Variants in ARL15 observed in about 807,000 individuals in gnomAD.
ARL15 encodes ADP-ribosylation factor-like protein 15.
A neutral mutation model predicts 25.2 loss-of-function variants in ARL15; 19 were observed. The observed-to-expected ratio is 0.75, with a 90% CI of 0.53 to 1.10. ARL15 has a LOEUF of 1.10. Among genes scored for constraint, ARL15 ranks in the 50% least tolerant of loss-of-function variants. The pLI, the probability that ARL15 is intolerant of heterozygous loss-of-function variation, is 0.00. For missense variants in ARL15, 220 were observed against 246.0 expected, an observed-to-expected ratio of 0.89 and a Z score of 0.71; for synonymous variants, 94 against 86.8, an observed-to-expected ratio of 1.08 and a Z score of -0.46.
At chr5:54,039,407 C>T (rs191546278) in intron 4 of ARL15, among the ~76,000 whole-genome samples, 1 of 152,260 alleles carries the variant, frequency 6.6e-6, no homozygotes, top group Non-Finnish European at 1.5e-5. Context: ...ATATTTCTAT[C>T]ACTCACTTAT....
At chr5:54,014,937 T>G (rs1749366813) in intron 4 of ARL15, among the ~76,000 whole-genome samples, 2 of 152,126 alleles carry the variant, frequency 1.3e-5, no homozygotes, top group African/African-American at 4.8e-5. Context: ...GATTTATCAG[T>G]GAACCTTCCA....
chr5:53,893,181 T>G (rs561912819), intron 4 of ARL15, among the ~76,000 whole-genome samples: 1 of 152,266 alleles, frequency 6.6e-6, no homozygotes, highest in Non-Finnish European at 1.5e-5. Flanking sequence ...AATAGCTGAT[T>G]GTGTGCATTC....
At chr5:53,964,911 A>C (rs1042267339) in intron 4 of ARL15, among the ~76,000 whole-genome samples, 2 of 152,016 alleles carry the variant, frequency 1.3e-5, no homozygotes, top group African/African-American at 4.8e-5. Context: ...CTCCCACCCC[A>C]CTCCTGAAGG....
intron 1 of ARL15, among the ~76,000 whole-genome samples, chr5:54,242,167 A>G (rs918877008): frequency 5.9e-5 from 9 of 151,902 alleles, no homozygotes; most frequent in Admixed American, 2.6e-4. Flanking sequence ...ACGTACACAC[A>G]CGCACACACA....
At chr5:54,146,091 C>T (rs1237933378) in intron 3 of ARL15, among the ~76,000 whole-genome samples, 1 of 151,960 alleles carries the variant, frequency 6.6e-6, no homozygotes, top group African/African-American at 2.4e-5. Context: ...AGGAAAACAT[C>T]AGAGTGATAG....
At chr5:54,090,734 G>A (rs1238642032) in intron 4 of ARL15, among the ~76,000 whole-genome samples, 1 of 151,972 alleles carries the variant, frequency 6.6e-6, no homozygotes, top group Admixed American at 6.6e-5. Context: ...AGATAAAAAA[G>A]GATAATTATA....
intron 1 of ARL15, among the ~76,000 whole-genome samples, chr5:54,214,801 G>C (rs997460813): frequency 2.0e-5 from 3 of 152,092 alleles, no homozygotes; most frequent in African/African-American, 4.8e-5. Context: ...TTTCCTTGCA[G>C]GAACCTGTGA....
At chr5:54,142,467 A>G (rs2112313933) in intron 3 of ARL15, among the ~76,000 whole-genome samples, 1 of 152,292 alleles carries the variant, frequency 6.6e-6, no homozygotes, top group East Asian at 1.9e-4. Flanking sequence ...CAAAGTAAAG[A>G]TCAGTCAGAA....
chr5:54,153,420 T>C (rs920363418), intron 3 of ARL15, among the ~76,000 whole-genome samples: 1 of 152,186 alleles, frequency 6.6e-6, no homozygotes, highest in Non-Finnish European at 1.5e-5. Flanking sequence ...TAATATGCCA[T>C]ACATTTATTT....
chr5:54,162,190 C>A (rs191374807), intron 2 of ARL15, among the ~76,000 whole-genome samples: 1 of 152,052 alleles, frequency 6.6e-6, no homozygotes, highest in Non-Finnish European at 1.5e-5. Flanking sequence ...ATTCGCCAAC[C>A]CTTCTCTACC....
At chr5:53,992,938 C>A (rs11740817) in intron 4 of ARL15, among the ~76,000 whole-genome samples, 33,365 of 151,936 alleles carry the variant, frequency 0.22, 3,863 homozygotes, top group East Asian at 0.46. Context: ...CCCAGCTACT[C>A]AGGAGGCTGA....
At chr5:54,153,144 T>C (rs13163481) in intron 3 of ARL15, among the ~76,000 whole-genome samples, 7,119 of 152,340 alleles carry the variant, frequency 0.047, 246 homozygotes, top group East Asian at 0.14. Context: ...TTACAATGTG[T>C]TCTTTGATTT....
At chr5:54,273,495 C>CA (rs1207163867) in intron 1 of ARL15, among the ~76,000 whole-genome samples, 3 of 151,484 alleles carry the variant, frequency 2.0e-5, no homozygotes, top group Non-Finnish European at 4.4e-5. Context: ...GACTAAAAGA[C>CA]AAAAAAAAGT....
intron 4 of ARL15, among the ~76,000 whole-genome samples, chr5:54,044,972 C>T (rs923734332): frequency 6.6e-6 from 1 of 152,192 alleles, no homozygotes; most frequent in Non-Finnish European, 1.5e-5. Context: ...TTTCACACTA[C>T]ACATTTTAGA....
At chr5:54,302,683 ATTTTT>A (rs372704359) in intron 1 of ARL15, among the ~76,000 whole-genome samples, 782 of 77,844 alleles carry the variant, frequency 0.01, 9 homozygotes, top group African/African-American at 0.029. Context: ...TAAAATTAAG[ATTTTT>A]TTTTTTTTTT....
chr5:54,185,493 C>G (rs1422928957), intron 1 of ARL15, among the ~76,000 whole-genome samples: 1 of 152,190 alleles, frequency 6.6e-6, no homozygotes, highest in Non-Finnish European at 1.5e-5. Context: ...CACTTGAATG[C>G]AGGCACTACT....
chr5:54,210,966 T>C (rs1446484240), intron 1 of ARL15, among the ~76,000 whole-genome samples: 2 of 152,198 alleles, frequency 1.3e-5, no homozygotes, highest in East Asian at 3.8e-4. Context: ...CCTGACACTG[T>C]CAGCAAACAA....
At chr5:54,231,042 CT>C (rs1756656833) in intron 1 of ARL15, among the ~76,000 whole-genome samples, 1 of 152,106 alleles carries the variant, frequency 6.6e-6, no homozygotes, top group Admixed American at 6.5e-5. Context: ...CTCTTTCTCT[CT>C]CTCCCTCTTT....
At chr5:54,060,886 G>A (rs1464145610) in intron 4 of ARL15, among the ~76,000 whole-genome samples, 1 of 152,298 alleles carries the variant, frequency 6.6e-6, no homozygotes, top group South Asian at 2.1e-4. Context: ...GCTGTTAAAA[G>A]CATTCAGTTT....
Sources: gnomAD v4.1 joint callset for allele counts (sites outside exome capture counted in the v4.1 genomes callset) on GRCh38, gnomAD v4.1.1 for gene constraint, MANE v1.5 for transcripts, NCBI Gene and HGNC (gene_info 2026-07-23, HGNC 2026-07-21) for gene names.